AFF2: variants seen among roughly 807,000 people sequenced by gnomAD.
AFF2 encodes the protein AF4/FMR2 family member 2.
Under a neutral mutation model 76.9 loss-of-function variants are expected in AFF2, and 14 were observed. The observed-to-expected ratio is 0.18, with a 90% confidence interval of 0.12 to 0.28. AFF2 has a LOEUF of 0.28. Ranked by LOEUF, AFF2 falls within the 10% of genes least tolerant of loss-of-function variation. AFF2 has a pLI of 1.00. For missense variants in AFF2, 868 were observed against 1,001.1 expected, an observed-to-expected ratio of 0.87 and a Z score of 1.79; for synonymous variants, 398 against 366.7, an observed-to-expected ratio of 1.09 and a Z score of -0.98.
At chrX:148,592,016 T>A (rs2053526691) in intron 1 of AFF2, among the ~76,000 whole-genome samples, 2 of 111,990 alleles carry the variant, frequency 1.8e-5, no homozygotes, top group South Asian at 7.4e-4. Context: ...CTTTATGAGC[T>A]TTTTAGCCAA....
intron 4 of AFF2, among the ~76,000 whole-genome samples, chrX:148,823,068 C>T (rs2070347324): frequency 9.0e-6 from 1 of 111,351 alleles, no homozygotes; most frequent in Non-Finnish European, 1.9e-5. Context: ...GAGCTCCCAG[C>T]ACATCCTCAC....
intron 1 of AFF2, among the ~76,000 whole-genome samples, chrX:148,541,022 C>T (rs1280126283): frequency 1.8e-5 from 2 of 112,334 alleles, no homozygotes; most frequent in Non-Finnish European, 3.8e-5. Flanking sequence ...AAAGAAACAA[C>T]TCAGTCATTC....
At position 148,662,362 on chromosome X, in the gene AFF2, C is replaced by T; in HGVS notation, c.635C>T (p.Ser212Leu). 1 of 1,211,900 alleles carries T rather than the reference C, an allele frequency of 8.3e-7. No individual in the cohort carries two copies. Among genetic ancestry groups the T allele is most frequent in the Non-Finnish European group, 1.1e-6 (1 of 895,484 alleles). Residue 212 changes from serine to leucine, a missense_variant, in exon 3 of 21, where the codon TCA becomes TTA. Physicochemically the swap from Ser to Leu is moderately radical, Grantham distance 145. Coordinates refer to ENST00000370460, the MANE Select transcript of AFF2 (RefSeq NM_002025.4). ...CCCCAGATTGGAGAAGTTGAAGAGTCAAACCCATCTGCAAAGGAAGACAGT... is the reference window on the plus strand; with the variant it reads ...CCCCAGATTGGAGAAGTTGAAGAGTTAAACCCATCTGCAAAGGAAGACAGT... ...EQPQIGEVEESNPSAKEDSNP... is the reference protein window; with the variant it reads ...EQPQIGEVEELNPSAKEDSNP...
intron 3 of AFF2, among the ~76,000 whole-genome samples, chrX:148,779,841 T>C (rs782344141): frequency 8.9e-6 from 1 of 112,288 alleles, no homozygotes; most frequent in East Asian, 2.8e-4. Flanking sequence ...CTTCATAGTG[T>C]TGATGGTCTT....
intron 3 of AFF2, among the ~76,000 whole-genome samples, chrX:148,736,260 C>T (rs868922202): frequency 1.1e-4 from 12 of 111,670 alleles, no homozygotes; most frequent in South Asian, 3.8e-4. Context: ...CCCTGGTCAC[C>T]GCATCCATGC....
intron 3 of AFF2, among the ~76,000 whole-genome samples, chrX:148,672,283 A>G (rs781985692): frequency 1.8e-5 from 2 of 112,118 alleles, no homozygotes; most frequent in South Asian, 7.4e-4. Context: ...AATAACATAA[A>G]CCTGTTACCT....
At chrX:148,647,727 A>G (rs1557255666) in intron 1 of AFF2, among the ~76,000 whole-genome samples, 1 of 111,464 alleles carries the variant, frequency 9.0e-6, no homozygotes, top group Non-Finnish European at 1.9e-5. Context: ...TGAAAGCCTG[A>G]GTTCCAGCCT....
At chrX:148,560,326 C>T (rs1040877096) in intron 1 of AFF2, among the ~76,000 whole-genome samples, 1 of 111,462 alleles carries the variant, frequency 9.0e-6, no homozygotes, top group Non-Finnish European at 1.9e-5. Context: ...AACTGGCTAG[C>T]CATATGCAGA....
chrX:148,696,890 A>G (rs1329139212), intron 3 of AFF2, among the ~76,000 whole-genome samples: 1 of 112,117 alleles, frequency 8.9e-6, no homozygotes, highest in Non-Finnish European at 1.9e-5. Flanking sequence ...ATTTTTGGGT[A>G]GACTGCCACT....
At position 148,806,941 on chromosome X, in the gene AFF2, G is replaced by A. The variant is rs782014786; in HGVS notation, c.1042-2935G>A. Among the ~76,000 whole-genome samples, 123 of 112,444 alleles carry A rather than the reference G, an allele frequency of 1.1e-3. No homozygotes were observed. The Middle Eastern group carries it at 0.014, about 13-fold the overall frequency. On this transcript the variant is annotated intron_variant, in intron 3 of 20. Transcript: ENST00000370460. ...TGCGGTTCAAATGTGGTTGTCTTAC[G>A]GAGAAAACAGCAGTGGGCCCGGGCT...
chrX:148,500,881 C>A lies in AFF2; in HGVS notation c.-217C>A. On this transcript the variant is annotated 5_prime_UTR_variant, in exon 1 of 21. Transcript: ENST00000370460. ...ACCCGAGTGGGCGACCAGGCGCTTG[C>A]CCGCCCAGTGCCACTGCCGCCGCTT... The A allele has an allele frequency of 5.3e-6, 2 of 373,857 alleles. No homozygotes were observed. The highest frequency in any genetic ancestry group is 8.9e-6 in the Non-Finnish European group (2 of 225,980). The allele number at this position is 373,857 out of a possible 1,213,427, so 30.8% of individuals were successfully genotyped here. A position where few individuals can be genotyped will look rare whatever the true frequency, so the allele number is the denominator to read the frequency against.
chrX:148,510,658 A>G (rs782551628), intron 1 of AFF2, among the ~76,000 whole-genome samples: 1 of 112,223 alleles, frequency 8.9e-6, no homozygotes, highest in Admixed American at 9.4e-5. Context: ...TCTTTGGTGT[A>G]AGTGGCAGAT....
intron 4 of AFF2, among the ~76,000 whole-genome samples, chrX:148,834,720 T>G (rs782711720): frequency 9.0e-6 from 1 of 111,355 alleles, no homozygotes; most frequent in East Asian, 2.8e-4. Flanking sequence ...GTGTCTTATC[T>G]TAGGAATAGC....
intron 19 of AFF2, among the ~76,000 whole-genome samples, chrX:148,986,105 G>T (rs1309034810): frequency 1.3e-5 from 1 of 75,782 alleles, no homozygotes; most frequent in Non-Finnish European, 2.4e-5. Flanking sequence ...AACTGGTAAG[G>T]GGGTGGGGGG....
chrX:148,662,234 A>G lies in AFF2; in HGVS notation c.507A>G (p.Val169=). 2 of 1,211,521 alleles carry G rather than the reference A, an allele frequency of 1.7e-6. No individual in the cohort carries two copies. The highest frequency in any genetic ancestry group is 2.2e-6 in the Non-Finnish European group (2 of 895,285). The change falls in exon 3 of 21, where the codon GTA becomes GTG. Residue 169 remains valine (V), a synonymous_variant. Transcript: ENST00000370460. ...WSRDSHNPST[V]LASQASGQPN... is the part of the protein sequence containing the mutation. The stretch of plus-strand genomic sequence containing the variant: ...GTGATAGTCATAACCCTAGCACTGT[A>G]CTGGCAAGCCAGGCCAGTGGTCAGC...
At chrX:148,782,223 C>T (rs2069755130) in intron 3 of AFF2, among the ~76,000 whole-genome samples, 1 of 111,784 alleles carries the variant, frequency 8.9e-6, no homozygotes, top group African/African-American at 3.3e-5. Flanking sequence ...AGGGATTTGA[C>T]GTGGACATAT....
chrX:148,968,488 G>C (rs1228790344), intron 15 of AFF2, among the ~76,000 whole-genome samples: 3 of 111,818 alleles, frequency 2.7e-5, no homozygotes, highest in Non-Finnish European at 3.8e-5. Context: ...GACTGTCCTA[G>C]GGAAGGCCCT....
intron 3 of AFF2, among the ~76,000 whole-genome samples, chrX:148,717,538 ATGGT>A (rs2055039769): frequency 8.9e-6 from 1 of 111,935 alleles, no homozygotes; most frequent in South Asian, 3.7e-4. Flanking sequence ...ACACTTAAAA[ATGGT>A]TGGTGTTTAA....
chrX:148,811,172 G>A (rs782749326), intron 4 of AFF2, among the ~76,000 whole-genome samples: 1 of 111,274 alleles, frequency 9.0e-6, no homozygotes, highest in African/African-American at 3.3e-5. Context: ...GGTACCATGT[G>A]TTCCTCGTGA....
Sources: allele counts gnomAD v4.1 joint callset (sites outside exome capture counted in the v4.1 genomes callset), GRCh38; gene constraint gnomAD v4.1.1; transcripts MANE v1.5; gene names NCBI Gene and HGNC (gene_info 2026-07-23, HGNC 2026-07-21).